CRTAM: variants seen among roughly 807,000 people sequenced by gnomAD.
CRTAM encodes the protein cytotoxic and regulatory T cell molecule, also known as cytotoxic and regulatory T-cell molecule.
A neutral mutation model predicts 50.0 loss-of-function variants in CRTAM; 44 were observed. The ratio of observed to expected loss-of-function variants is 0.88; its 90% CI spans 0.69 to 1.13. CRTAM has a LOEUF of 1.13. CRTAM is among the 50% of genes most tolerant of loss of function. The pLI, the probability that CRTAM is intolerant of heterozygous loss-of-function variation, is 0.00. For synonymous variants in CRTAM, 159 were observed against 169.3 expected (o/e 0.94, Z 0.47); for missense variants, 448 against 457.5 (o/e 0.98, Z 0.19).
intron 7 of CRTAM, among the ~76,000 whole-genome samples, chr11:122,865,538 C>T (rs1384387959): frequency 2.0e-5 from 3 of 152,024 alleles, no homozygotes; most frequent in African/African-American, 7.2e-5. Flanking sequence ...CTCCTACCTC[C>T]ACCTCCCAAA....
intron 1 of CRTAM, among the ~76,000 whole-genome samples, chr11:122,842,682 A>G (rs1861813550): frequency 6.6e-6 from 1 of 152,256 alleles, no homozygotes; most frequent in South Asian, 2.1e-4. Context: ...CAGGAAAGAA[A>G]TGATGGAGTC....
intron 9 of CRTAM, among the ~76,000 whole-genome samples, chr11:122,870,369 C>A (rs1292360198): frequency 6.6e-6 from 1 of 152,170 alleles, no homozygotes; most frequent in Non-Finnish European, 1.5e-5. Flanking sequence ...GCATGAGCCA[C>A]CACGCCCAGC....
At chr11:122,863,840 C>T (rs1163069594) in intron 6 of CRTAM, among the ~76,000 whole-genome samples, 1 of 152,020 alleles carries the variant, frequency 6.6e-6, no homozygotes, top group African/African-American at 2.4e-5. Context: ...CTTTCCATTT[C>T]TACGATTTTA....
rs1170974268 is a variant in CRTAM at position 122,872,374 on chromosome 11, CA to C, written c.*977del. On this transcript the variant is annotated 3_prime_UTR_variant, in exon 10 of 10. Coordinates refer to ENST00000227348, the MANE Select transcript of CRTAM (RefSeq NM_019604.4). ...GATTTTTACCTGGAAATTCCATGAC[CA>C]ATACATGTGCAAAAGAAAATGATGG... 2 of 152,328 alleles carry C rather than the reference CA, an allele frequency of 1.3e-5. No homozygotes were observed. The highest frequency in any genetic ancestry group is 3.4e-3 in the Middle Eastern group (1 of 294). The allele number at this position is 152,328 out of a possible 1,614,324, so 9.4% of individuals were successfully genotyped here.
intron 7 of CRTAM, among the ~76,000 whole-genome samples, chr11:122,866,945 A>T (rs1474291721): frequency 6.6e-6 from 1 of 152,142 alleles, no homozygotes; most frequent in Non-Finnish European, 1.5e-5. Context: ...GATTTAGCCC[A>T]AATGCCTTCC....
At chr11:122,860,440 A>ATAT (rs1260160652) in intron 5 of CRTAM, among the ~76,000 whole-genome samples, 4 of 152,170 alleles carry the variant, frequency 2.6e-5, no homozygotes. Context: ...GAGGTCTACA[A>ATAT]TATTCTGACC....
At chr11:122,851,882 A>G in intron 3 of CRTAM, 37 bp downstream of exon 3, 1 of 1,595,510 alleles carries the variant, frequency 6.3e-7, no homozygotes. Flanking sequence ...GGGGAGCAAT[A>G]TGGATAGGAA....
At chr11:122,848,774 T>A (rs537075605) in intron 1 of CRTAM, among the ~76,000 whole-genome samples, 1 of 152,336 alleles carries the variant, frequency 6.6e-6, no homozygotes, top group South Asian at 2.1e-4. Flanking sequence ...CATTTGCTAT[T>A]CATAATTTAT....
chr11:122,864,456 A>G (rs1862141127), intron 6 of CRTAM, 180 bp from the exon 7 acceptor site: 1 of 551,752 alleles, frequency 1.8e-6, no homozygotes, highest in South Asian at 2.4e-5. Flanking sequence ...AAATAAGGCA[A>G]AGTGAGCCTA....
chr11:122,861,348 G>GTATA (rs5795353), intron 5 of CRTAM, among the ~76,000 whole-genome samples: 17,879 of 123,388 alleles, frequency 0.14, 1,417 homozygotes, highest in East Asian at 0.29. Context: ...TGACGTGTCA[G>GTATA]TATATATATA....
chr11:122,867,458 G>T lies in CRTAM; in HGVS notation c.867G>T (p.Leu289=), dbSNP rs147908982. 1.3e-5 allele frequency: 21 copies of T among 1,613,674 alleles called. No homozygotes were observed. Among genetic ancestry groups the T allele is most frequent in the Non-Finnish European group, 1.8e-5 (21 of 1,179,966 alleles). The change falls in exon 8 of 10, where the codon CTG becomes CTT. Residue 289 remains leucine, a synonymous_variant. Transcript: ENST00000227348. ...LGLARKKSGI[L]LLTLVSFLIF... ...TGGCAAGAAAGAAAAGTGGCATCCT[G>T]CTGCTCACGCTGGTGTCCTTCCTCA...
intron 1 of CRTAM, among the ~76,000 whole-genome samples, chr11:122,848,186 T>C (rs1333805333): frequency 1.3e-5 from 2 of 152,206 alleles, no homozygotes; most frequent in Admixed American, 6.5e-5. Context: ...GAGTCTAACA[T>C]ACTGCCAAGG....
At chr11:122,867,199 T>G (rs895402929) in intron 7 of CRTAM, among the ~76,000 whole-genome samples, 1 of 152,174 alleles carries the variant, frequency 6.6e-6, no homozygotes, top group African/African-American at 2.4e-5. Flanking sequence ...TCACACATAA[T>G]TGCCTTGTTT....
At chr11:122,846,336 T>C (rs879030389) in intron 1 of CRTAM, among the ~76,000 whole-genome samples, 2 of 152,008 alleles carry the variant, frequency 1.3e-5, no homozygotes, top group Non-Finnish European at 2.9e-5. Flanking sequence ...TGAGATGGAG[T>C]CTTGCTCTAT....
chr11:122,838,617 T>C, intron 1 of CRTAM, 25 bp downstream of exon 1: 1 of 1,612,434 alleles, frequency 6.2e-7, no homozygotes. Context: ...TTATTTTTGT[T>C]GTTGCTCAGC....
chr11:122,870,087 CT>C (rs1373778970), intron 9 of CRTAM, among the ~76,000 whole-genome samples: 1 of 151,114 alleles, frequency 6.6e-6, no homozygotes, highest in Non-Finnish European at 1.5e-5. Flanking sequence ...ATTTTTCTTT[CT>C]TTTTTTTTGA....
intron 5 of CRTAM, 112 bp downstream of exon 5, chr11:122,855,968 C>A: frequency 1.2e-6 from 1 of 845,428 alleles, no homozygotes; most frequent in Non-Finnish European, 1.8e-6. Flanking sequence ...TTACTGCCAA[C>A]AAAGCTTTCC....
chr11:122,846,106 A>T (rs1321737217), intron 1 of CRTAM, among the ~76,000 whole-genome samples: 4 of 152,164 alleles, frequency 2.6e-5, no homozygotes, highest in Non-Finnish European at 5.9e-5. Flanking sequence ...AATAAATGAG[A>T]TGGAAACTAG....
intron 6 of CRTAM, 149 bp from the exon 7 acceptor site, chr11:122,864,487 C>T (rs1319745979): frequency 1.1e-5 from 6 of 552,690 alleles, no homozygotes; most frequent in Non-Finnish European, 1.6e-5. Flanking sequence ...ATTATGTTTG[C>T]AAGAAATCCA....
Sources: allele counts gnomAD v4.1 joint callset (sites outside exome capture counted in the v4.1 genomes callset), GRCh38; gene constraint gnomAD v4.1.1; transcripts MANE v1.5; gene names NCBI Gene and HGNC (gene_info 2026-07-23, HGNC 2026-07-21).